Variants in DOLPP1 observed in about 807,000 individuals in gnomAD.
DOLPP1 encodes dolichyldiphosphatase 1, also known as dolichyl pyrophosphate phosphatase 1.
A neutral mutation model predicts 34.1 loss-of-function variants in DOLPP1; 15 were observed. That is an observed-to-expected ratio of 0.44 (90% confidence interval 0.29 to 0.68). The LOEUF (loss-of-function observed/expected upper bound fraction) is 0.68, where lower values mean the gene tolerates loss of function less well. DOLPP1 is among the 30% of genes least tolerant of loss of function. DOLPP1 has a pLI of 0.12. For synonymous variants in DOLPP1, 130 were observed against 128.2 expected, an observed-to-expected ratio of 1.01 and a Z score of -0.10; for missense variants, 249 against 307.1, an observed-to-expected ratio of 0.81 and a Z score of 1.41.
chr9:129,081,167 A>G lies in DOLPP1; in HGVS notation c.36A>G (p.Ser12=). ...AADGQCSLPA[S]WRPVTLTHVE... ...ACGGACAGTGCTCGCTCCCCGCTTC[A>G]TGGCGGCCGGTGACCCTCACCCACG... The change falls in exon 1 of 8, where the codon TCA becomes TCG. Residue 12 remains serine (S), a synonymous_variant. Coordinates refer to ENST00000372546, the MANE Select transcript of DOLPP1 (RefSeq NM_020438.5). 1 of 1,609,978 alleles carries G rather than the reference A, an allele frequency of 6.2e-7. No individual in the cohort carries two copies. The highest frequency in any genetic ancestry group is 8.5e-7 in the Non-Finnish European group (1 of 1,179,448).
chr9:129,089,315 A>G lies in DOLPP1; in HGVS notation c.*308A>G. 1 of 330,896 alleles carries G rather than the reference A, an allele frequency of 3.0e-6. No individual in the cohort carries two copies. The allele number at this position is 330,896 out of a possible 1,614,324, so 20.5% of individuals were successfully genotyped here. The stretch of plus-strand genomic sequence containing the variant: ...GCACCTGGGTGTGGGGTGGAGGAGG[A>G]GGGCTCGCGCCTCTGGTCTCGGGGC... On this transcript the variant is annotated 3_prime_UTR_variant, in exon 8 of 8. Transcript: ENST00000372546. This position sits in a 1 kb window ranked among gnomAD's most constrained non-coding sequence, Gnocchi z 4.9.
chr9:129,088,945 C>T, intron 7 of DOLPP1, 26 bp from the exon 8 acceptor site: 5 of 1,613,352 alleles, frequency 3.1e-6, no homozygotes, highest in East Asian at 2.2e-5. Flanking sequence ...GATGTCTCCA[C>T]ATCTGACCCC....
In DOLPP1 at chr9:129,085,641, C is replaced by A; in HGVS notation, c.461+25C>A. Reference sequence around the variant, plus strand: ...GGTATGGAGGAGGGAGAGCCCCTGCCTGCACCCTGCCCATGTGGGGTCCTG... The same window carrying A: ...GGTATGGAGGAGGGAGAGCCCCTGCATGCACCCTGCCCATGTGGGGTCCTG... On this transcript the variant is annotated intron_variant, in intron 5 of 7. Coordinates refer to ENST00000372546, the MANE Select transcript of DOLPP1 (RefSeq NM_020438.5). The surrounding 1 kb of genome is among the most constrained non-coding windows in gnomAD (Gnocchi z 7.0). 1 of 1,579,570 alleles carries A rather than the reference C, an allele frequency of 6.3e-7. No individual in the cohort carries two copies.
chr9:129,088,056 G>A (rs894273010), intron 7 of DOLPP1, among the ~76,000 whole-genome samples: 4 of 150,698 alleles, frequency 2.7e-5, no homozygotes, highest in East Asian at 3.9e-4. Context: ...GAAGAGCTGC[G>A]ACGCACCTGC....
rs749464782 is a variant in DOLPP1, at chr9:129,085,542, G to A, written c.387G>A (p.Arg129=). ...YLRMHQTNNA[R]FLDLLWRHVL... is the part of the protein sequence containing the mutation. ...GAATGCACCAAACAAACAACGCCAG[G>A]TTCCTGGACTTGCTGTGGAGGCACG... Residue 129 remains arginine, a synonymous_variant, in exon 5 of 8, where the codon AGG becomes AGA. Transcript: ENST00000372546. The surrounding 1 kb of genome is among the most constrained non-coding windows in gnomAD (Gnocchi z 7.0). 6.2e-7 allele frequency: 1 copy of A among 1,613,722 alleles called. No individual in the cohort carries two copies. The highest frequency in any genetic ancestry group is 8.5e-7 in the Non-Finnish European group (1 of 1,179,958).
In DOLPP1 at chr9:129,081,158, C is replaced by A; in HGVS notation, c.27C>A (p.Leu9=). ...TGGCAGCGGACGGACAGTGCTCGCTCCCCGCTTCATGGCGGCCGGTGACCC... is the reference window on the plus strand; with the variant it reads ...TGGCAGCGGACGGACAGTGCTCGCTACCCGCTTCATGGCGGCCGGTGACCC... MAADGQCS[L]PASWRPVTLT... The change falls in exon 1 of 8, where the codon CTC becomes CTA. Residue 9 remains leucine, a synonymous_variant. Transcript: ENST00000372546. The A allele has an allele frequency of 6.2e-7, 1 of 1,610,014 alleles. No homozygotes were observed. Among genetic ancestry groups the A allele is most frequent in the South Asian group, 1.1e-5 (1 of 91,004 alleles).
Position 129,089,200 on chromosome 9 carries a change from C to T in DOLPP1, c.*193C>T. The T allele has an allele frequency of 1.9e-6, 1 of 521,896 alleles. No individual in the cohort carries two copies. Among genetic ancestry groups the T allele is most frequent in the South Asian group, 2.6e-5 (1 of 39,030 alleles). 32.3% of individuals were successfully genotyped at this position (521,896 alleles called of 1,614,324 possible). Reference sequence around the variant, plus strand: ...CTGAACCAGCCCCTCAACCAGGACCCTGGGGGGCCTGCTGCCTGGGGGCCG... The same window carrying T: ...CTGAACCAGCCCCTCAACCAGGACCTTGGGGGGCCTGCTGCCTGGGGGCCG... On this transcript the variant is annotated 3_prime_UTR_variant, in exon 8 of 8. Coordinates refer to ENST00000372546, the MANE Select transcript of DOLPP1 (RefSeq NM_020438.5). The surrounding 1 kb of genome is among the most constrained non-coding windows in gnomAD (Gnocchi z 4.9).
chr9:129,086,151 G>A lies in DOLPP1; in HGVS notation c.474G>A (p.Leu158=), dbSNP rs747123031. The part of the protein sequence containing the change: ...FLVSYSRVYL[L]YHTWSQVLYG... ...GGCCTTGGCCCAGGGTCTACCTGCT[G>A]TACCACACCTGGAGCCAGGTGCTCT... Residue 158 remains leucine, a synonymous_variant, in exon 6 of 8, where the codon CTG becomes CTA. Transcript: ENST00000372546. The A allele has an allele frequency of 4.3e-6, 7 of 1,613,308 alleles. No homozygotes were observed. The East Asian group carries it at 8.9e-5, about 21-fold the overall frequency.
In DOLPP1 at chr9:129,090,286, T is replaced by A. The variant is rs1482810493; in HGVS notation, c.*1279T>A. On this transcript the variant is annotated 3_prime_UTR_variant, in exon 8 of 8. Coordinates refer to ENST00000372546, the MANE Select transcript of DOLPP1 (RefSeq NM_020438.5). ...CAGATGCCAAGACCAGGGGCTTATT[T>A]CTAGGGAAGGTAGGTCGGTTTCCAT... 2.6e-5 allele frequency: 4 copies of A among 152,670 alleles called. No homozygotes were observed. 9.5% of individuals were successfully genotyped at this position (152,670 alleles called of 1,614,324 possible). A position where few individuals can be genotyped will look rare whatever the true frequency, so the allele number is the denominator to read the frequency against.
In DOLPP1 at chr9:129,089,082, A is replaced by G; in HGVS notation, c.*75A>G. On this transcript the variant is annotated 3_prime_UTR_variant, in exon 8 of 8. Coordinates refer to ENST00000372546, the MANE Select transcript of DOLPP1 (RefSeq NM_020438.5). This position sits in a 1 kb window ranked among gnomAD's most constrained non-coding sequence, Gnocchi z 4.9. ...TTGCAGGATGGACAGGATGACAGAC[A>G]GGGACGAAGCAGAGACCTCTACAGA... 6.6e-7 allele frequency: 1 copy of G among 1,524,376 alleles called. No individual in the cohort carries two copies. The highest frequency in any genetic ancestry group is 1.1e-5 in the South Asian group (1 of 89,072). The allele number at this position is 1,524,376 out of a possible 1,614,324, so 94.4% of individuals were successfully genotyped here. A position where few individuals can be genotyped will look rare whatever the true frequency, so the allele number is the denominator to read the frequency against.
chr9:129,084,374 G>A (rs752243200), intron 1 of DOLPP1, among the ~76,000 whole-genome samples: 5 of 152,240 alleles, frequency 3.3e-5, no homozygotes, highest in African/African-American at 4.8e-5. Context: ...GACCTTGGGC[G>A]AGTCACATAG....
chr9:129,085,607 C>G lies in DOLPP1; in HGVS notation c.452C>G (p.Ser151Cys). The G allele has an allele frequency of 6.2e-7, 1 of 1,612,416 alleles. No individual in the cohort carries two copies. Among genetic ancestry groups the G allele is most frequent in the Non-Finnish European group, 8.5e-7 (1 of 1,179,366 alleles). ...CTCCTCGCTGTGGCCTTCCTAGTCT[C>G]CTACAGCAGGTATGGAGGAGGGAGA... ...LGLLAVAFLVSYSRVYLLYHT... is the reference protein window; with the variant it reads ...LGLLAVAFLVCYSRVYLLYHT... Residue 151 changes from serine (S) to cysteine (C), a missense_variant, in exon 5 of 8, where the codon TCC becomes TGC. By Grantham distance (112) the Ser-to-Cys change is moderately radical. Coordinates refer to ENST00000372546, the MANE Select transcript of DOLPP1 (RefSeq NM_020438.5). This position sits in a 1 kb window ranked among gnomAD's most constrained non-coding sequence, Gnocchi z 7.0.
At chr9:129,084,264 C>T (rs999690101) in intron 1 of DOLPP1, among the ~76,000 whole-genome samples, 12 of 152,206 alleles carry the variant, frequency 7.9e-5, no homozygotes, top group African/African-American at 2.2e-4. Flanking sequence ...GTCACCAGGC[C>T]GGGTTCACCT....
chr9:129,085,414 G>C lies in DOLPP1; in HGVS notation c.363-104G>C. ...CCCCTGGGGTGGGAGGGGCTGCAGC[G>C]GAGGCAGAAGGTACCCAGGGAGCAT... is the stretch of plus-strand genomic sequence containing the variant. On this transcript the variant is annotated intron_variant, in intron 4 of 7. Transcript: ENST00000372546. The surrounding 1 kb of genome is among the most constrained non-coding windows in gnomAD (Gnocchi z 7.0). The C allele has an allele frequency of 6.7e-7, 1 of 1,502,778 alleles. No individual in the cohort carries two copies. Among genetic ancestry groups the C allele is most frequent in the Non-Finnish European group, 9.2e-7 (1 of 1,083,634 alleles). 93.1% of individuals were successfully genotyped at this position (1,502,778 alleles called of 1,614,324 possible).
rs941486276 is a variant in DOLPP1 at position 129,085,869 on chromosome 9, C to T, written c.461+253C>T. Among the ~76,000 whole-genome samples, 1 of 152,244 alleles carries T rather than the reference C, an allele frequency of 6.6e-6. No homozygotes were observed. The highest frequency in any genetic ancestry group is 1.5e-5 in the Non-Finnish European group (1 of 68,050). ...CTTCCCAGCGTTCCGGAGGAGCCCA[C>T]TGTAGACAAATTCAGAGGTCAAGGG... On this transcript the variant is annotated intron_variant, in intron 5 of 7. Transcript: ENST00000372546. The surrounding 1 kb of genome is among the most constrained non-coding windows in gnomAD (Gnocchi z 7.0).
chr9:129,089,087 C>T lies in DOLPP1; in HGVS notation c.*80C>T, dbSNP rs1040386399. The T allele has an allele frequency of 4.8e-5, 71 of 1,476,280 alleles. No individual in the cohort carries two copies. The highest frequency in any genetic ancestry group is 2.1e-4 in the East Asian group (9 of 43,848). The allele number at this position is 1,476,280 out of a possible 1,614,324, so 91.4% of individuals were successfully genotyped here. Reference sequence around the variant, plus strand: ...GGATGGACAGGATGACAGACAGGGACGAAGCAGAGACCTCTACAGACCCAA... The same window carrying T: ...GGATGGACAGGATGACAGACAGGGATGAAGCAGAGACCTCTACAGACCCAA... On this transcript the variant is annotated 3_prime_UTR_variant, in exon 8 of 8. Coordinates refer to ENST00000372546, the MANE Select transcript of DOLPP1 (RefSeq NM_020438.5). This position sits in a 1 kb window ranked among gnomAD's most constrained non-coding sequence, Gnocchi z 4.9.
chr9:129,087,968 T>C (rs963793817), intron 7 of DOLPP1, among the ~76,000 whole-genome samples: 1 of 151,350 alleles, frequency 6.6e-6, no homozygotes, highest in African/African-American at 2.4e-5. Context: ...GGCACACCTG[T>C]TCTGTGCCAG....
chr9:129,086,237 T>C lies in DOLPP1; in HGVS notation c.560T>C (p.Leu187Pro). 6.2e-7 allele frequency: 1 copy of C among 1,613,502 alleles called. No homozygotes were observed. Among genetic ancestry groups the C allele is most frequent in the Non-Finnish European group, 8.5e-7 (1 of 1,179,974 alleles). ...TGGTTCATCTTCACCCAGGAGGTCC[T>C]CACCCCGCTGTTCCCCAGGATAGCA... ...IAWFIFTQEVLTPLFPRIAAW... is the reference protein window; with the variant it reads ...IAWFIFTQEVPTPLFPRIAAW... The change falls in exon 6 of 8, where the codon CTC (leucine) becomes CCC (proline). Residue 187 changes from leucine (L) to proline (P), a missense_variant. Physicochemically the swap from Leu to Pro is moderately conservative, Grantham distance 98 (BLOSUM62 -3). Transcript: ENST00000372546.
intron 1 of DOLPP1, among the ~76,000 whole-genome samples, chr9:129,082,929 G>A (rs1051531628): frequency 3.9e-5 from 6 of 152,184 alleles, no homozygotes; most frequent in Non-Finnish European, 8.8e-5. Flanking sequence ...CTCAAGCTCT[G>A]CACTAGCAGG....
Sources: allele counts gnomAD v4.1 joint callset (sites outside exome capture counted in the v4.1 genomes callset), GRCh38; gene constraint gnomAD v4.1.1; non-coding constraint Gnocchi (gnomAD v3.1); transcripts MANE v1.5; gene names NCBI Gene and HGNC (gene_info 2026-07-23, HGNC 2026-07-21).